Variants in TENM3 observed in about 807,000 individuals in gnomAD.
TENM3 encodes the protein teneurin-3.
A neutral mutation model predicts 255.1 loss-of-function variants in TENM3; 63 were observed. That is an observed-to-expected ratio of 0.25 (90% confidence interval 0.20 to 0.30). TENM3 has a LOEUF of 0.30. Among genes scored for constraint, TENM3 ranks in the 10% least tolerant of loss-of-function variants. The pLI is 1.00. For missense variants in TENM3, 2,929 were observed against 3,461.1 expected, an observed-to-expected ratio of 0.85 and a Z score of 3.86; for synonymous variants, 1,306 against 1,322.3, an observed-to-expected ratio of 0.99 and a Z score of 0.27.
chr4:181,717,815 T>A, the TENM3 span, among the ~76,000 whole-genome samples: 1 of 152,038 alleles, frequency 6.6e-6, no homozygotes, highest in Non-Finnish European at 1.5e-5. Context: ...CAATCGTATT[T>A]AAAAAAAATA....
At position 182,720,637 on chromosome 4, in the gene TENM3, A is replaced by G. The variant is rs1052453725; in HGVS notation, c.2368+6404A>G. ...GGGAAGAACATCCAGCTTGTGCCCT[A>G]TAAAGCAGAGGACTTCAGTAGCTTC... On this transcript the variant is annotated intron_variant, in intron 13 of 27. Coordinates refer to ENST00000511685, the MANE Select transcript of TENM3 (RefSeq NM_001080477.4). Among the ~76,000 whole-genome samples the G allele has an allele frequency of 1.8e-4, 28 of 152,344 alleles. No individual in the cohort carries two copies. In the East Asian group the frequency reaches 4.4e-3, roughly 24 times the overall value.
the TENM3 span, among the ~76,000 whole-genome samples, chr4:181,771,944 C>T: frequency 8.5e-5 from 13 of 152,304 alleles, no homozygotes; most frequent in African/African-American, 3.1e-4. Context: ...AACAATTTCT[C>T]TGTGTTCTTT....
At chr4:182,551,355 A>G (rs1439207405) in intron 3 of TENM3, among the ~76,000 whole-genome samples, 1 of 152,080 alleles carries the variant, frequency 6.6e-6, no homozygotes, top group Non-Finnish European at 1.5e-5. Context: ...TTAGGTCCAT[A>G]CCTAATGTTA....
chr4:182,107,099 C>T, the TENM3 span, among the ~76,000 whole-genome samples: 2 of 151,644 alleles, frequency 1.3e-5, no homozygotes, highest in Admixed American at 6.6e-5. Context: ...TGTTATGAGG[C>T]AGGTTCACTG....
the TENM3 span, among the ~76,000 whole-genome samples, chr4:181,950,226 C>T: frequency 2.6e-5 from 4 of 152,138 alleles, no homozygotes; most frequent in Admixed American, 6.5e-5. Context: ...ACGACCCCCA[C>T]TCTGCCCACC....
At chr4:181,898,284 A>C in the TENM3 span, among the ~76,000 whole-genome samples, 5 of 151,426 alleles carry the variant, frequency 3.3e-5, no homozygotes, top group Admixed American at 6.6e-5. Context: ...ACACACACAC[A>C]CCTTTGTGAT....
Position 182,210,570 on chromosome 4 carries a change from G to C in TENM3, c.-76+65816G>C, listed in dbSNP as rs553056875. Among the ~76,000 whole-genome samples, 6 of 149,256 alleles carry C rather than the reference G, an allele frequency of 4.0e-5. No homozygotes were observed. The South Asian group carries it at 8.4e-4, about 21-fold the overall frequency. ...GATTTCTAAGACGTCAGGAATTTGGGCCTGATTTTTTAGAACTGTCTCGCT... is the reference window on the plus strand; with the variant it reads ...GATTTCTAAGACGTCAGGAATTTGGCCCTGATTTTTTAGAACTGTCTCGCT... On this transcript the variant is annotated intron_variant, in intron 1 of 2. Coordinates refer to the TENM3 transcript ENST00000512480.
the TENM3 span, among the ~76,000 whole-genome samples, chr4:181,988,595 C>T: frequency 2.0e-5 from 3 of 152,064 alleles, no homozygotes; most frequent in African/African-American, 4.8e-5. Context: ...ACCAGGTACT[C>T]TTCTAAGTAT....
At chr4:182,407,631 A>T (rs1224511346) in intron 3 of TENM3, among the ~76,000 whole-genome samples, 1 of 152,214 alleles carries the variant, frequency 6.6e-6, no homozygotes, top group Non-Finnish European at 1.5e-5. Flanking sequence ...TTACATATTG[A>T]CCTTCAATAA....
chr4:181,791,013 A>G, the TENM3 span, among the ~76,000 whole-genome samples: 29 of 152,212 alleles, frequency 1.9e-4, no homozygotes, highest in Non-Finnish European at 4.3e-4. Flanking sequence ...TACGGGCCAT[A>G]TGATGAATGC....
intron 3 of TENM3, among the ~76,000 whole-genome samples, chr4:182,512,569 A>G (rs972297787): frequency 2.6e-5 from 4 of 152,252 alleles, no homozygotes; most frequent in Non-Finnish European, 1.5e-5. Flanking sequence ...TGAAATCATT[A>G]TGACATTAGT....
chr4:181,945,222 T>G, the TENM3 span, among the ~76,000 whole-genome samples: 1 of 151,888 alleles, frequency 6.6e-6, no homozygotes, highest in African/African-American at 2.4e-5. Flanking sequence ...AATTAGGGGT[T>G]AAGAATGGGC....
At chr4:182,079,071 A>G in the TENM3 span, among the ~76,000 whole-genome samples, 1 of 152,216 alleles carries the variant, frequency 6.6e-6, no homozygotes, top group African/African-American at 2.4e-5. Context: ...TTGATAGAGC[A>G]AAGTACTCCC....
In TENM3 at chr4:182,731,691, T is replaced by TGG. The variant is rs200556442; in HGVS notation, c.2967+555_2967+556dup. ...TATAGAATGAATATATAGTGGGTGT[T>TGG]GGGGTGTGTGTGTGTGTGTGTGTGT... is the stretch of plus-strand genomic sequence containing the variant. On this transcript the variant is annotated intron_variant, in intron 16 of 27. Coordinates refer to ENST00000511685, the MANE Select transcript of TENM3 (RefSeq NM_001080477.4). 2.2e-3 allele frequency among the ~76,000 whole-genome samples: 166 copies of TGG among 76,758 alleles called. 1 individual carries two copies. The highest frequency in any genetic ancestry group is 3.6e-3 in the East Asian group (12 of 3,330). 50.4% of individuals were successfully genotyped at this position (76,758 alleles called of 152,430 possible).
At chr4:182,109,578 C>T in the TENM3 span, among the ~76,000 whole-genome samples, 26,460 of 152,036 alleles carry the variant, frequency 0.17, 2,369 homozygotes, top group Non-Finnish European at 0.2. Flanking sequence ...GTGAAGTGTA[C>T]GATATTGCTT....
intron 19 of TENM3, 56 bp from the exon 20 acceptor site, chr4:182,751,744 C>T (rs941914539): frequency 3.9e-6 from 5 of 1,271,536 alleles, no homozygotes; most frequent in African/African-American, 1.5e-5. Flanking sequence ...CTTTTAATTT[C>T]CCTCTGTGTA....
the TENM3 span, among the ~76,000 whole-genome samples, chr4:181,634,958 C>G: frequency 6.6e-6 from 1 of 151,812 alleles, no homozygotes; most frequent in African/African-American, 2.4e-5. Context: ...TTTTTTTCAT[C>G]TGCTAGGGGA....
At chr4:181,492,691 G>A in the TENM3 span, among the ~76,000 whole-genome samples, 1 of 152,026 alleles carries the variant, frequency 6.6e-6, no homozygotes, top group African/African-American at 2.4e-5. Context: ...CAGCTAAACT[G>A]TGTTGCAAAA....
intron 3 of TENM3, among the ~76,000 whole-genome samples, chr4:182,382,177 A>C (rs187408580): frequency 4.9e-4 from 74 of 152,316 alleles, no homozygotes; most frequent in African/African-American, 1.7e-3. Flanking sequence ...AGATGCAAGT[A>C]GATATATAAT....
Sources: gnomAD v4.1 joint callset for allele counts (sites outside exome capture counted in the v4.1 genomes callset) on GRCh38, gnomAD v4.1.1 for gene constraint, MANE v1.5 for transcripts, NCBI Gene and HGNC (gene_info 2026-07-23, HGNC 2026-07-21) for gene names.